Variants in UPK1A observed in about 807,000 individuals in gnomAD.
UPK1A encodes uroplakin-1a.
A neutral mutation model predicts 32.3 loss-of-function variants in UPK1A; 31 were observed. The ratio of observed to expected loss-of-function variants is 0.96; its 90% CI spans 0.72 to 1.30. The LOEUF is 1.30. Ranked by LOEUF, UPK1A falls within the 50% of genes most tolerant of loss-of-function variation. The probability of loss-of-function intolerance (pLI) is 0.00; values close to 1 mark genes in which losing one functional copy is unlikely to be tolerated. For missense variants in UPK1A, 340 were observed against 357.4 expected (o/e 0.95, Z 0.39); for synonymous variants, 135 against 137.1 (o/e 0.98, Z 0.11).
At chr19:35,668,675 G>T (rs767020560) in intron 3 of UPK1A, 21 bp downstream of exon 3, 101 of 1,599,780 alleles carry the variant, frequency 6.3e-5, no homozygotes, top group Non-Finnish European at 7.6e-5. Context: ...AGGGGTTGGG[G>T]GATGGGGACA....
chr19:35,671,519 G>A (rs1968100684), intron 3 of UPK1A, among the ~76,000 whole-genome samples: 1 of 130,678 alleles, frequency 7.7e-6, no homozygotes, highest in Non-Finnish European at 1.6e-5. Context: ...GTGCAGTGGT[G>A]CGATCTCGGC....
chr19:35,672,969 C>G (rs1464717828), intron 3 of UPK1A, among the ~76,000 whole-genome samples: 1 of 152,158 alleles, frequency 6.6e-6, no homozygotes, highest in Non-Finnish European at 1.5e-5. Context: ...GCCCCCTCGG[C>G]CTCCCAAAGT....
chr19:35,666,738 G>A (rs1968002638), intron 1 of UPK1A, 71 bp from the exon 2 acceptor site: 2 of 1,485,620 alleles, frequency 1.3e-6, no homozygotes, highest in African/African-American at 1.4e-5. Context: ...CGAAGCCAGG[G>A]TGTGGCTCAG....
chr19:35,675,787 G>T, intron 5 of UPK1A, 53 bp from the exon 6 acceptor site: 1 of 1,544,760 alleles, frequency 6.5e-7, no homozygotes, highest in South Asian at 1.2e-5. Flanking sequence ...CCTCAGGCAA[G>T]CAACTGTCCT....
rs761260478 is a variant in UPK1A at position 35,677,821 on chromosome 19, G to A, written c.658G>A (p.Glu220Lys). The A allele has an allele frequency of 9.3e-6, 15 of 1,611,742 alleles. No individual in the cohort carries two copies. In the East Asian group the frequency reaches 1.8e-4, roughly 19 times the overall value. Residue 220 changes from glutamate (E) to lysine (K), a missense_variant, in exon 7 of 8, where the codon GAA (glutamate) becomes AAA (lysine). Coordinates refer to ENST00000617999, the Ensembl canonical transcript of UPK1A. ...CCATCCCCCTGCCCAGGGCTGCTTC[G>A]AACACATCGGCCACGCCATCGACAG...
chr19:35,677,967 C>A lies in UPK1A; in HGVS notation c.733-8C>A. 6.3e-7 allele frequency: 1 copy of A among 1,598,028 alleles called. No homozygotes were observed. ...CGGAGTGCCCTCATCTCGCTGCCTC[C>A]TCGCCAGCTCCCGGTCATGCTGATA... is the stretch of plus-strand genomic sequence containing the variant. On this transcript the variant is annotated splice_polypyrimidine_tract_variant and splice_region_variant and intron_variant, in intron 7 of 7. Transcript: ENST00000617999.
At position 35,673,427 on chromosome 19, in the gene UPK1A, G is replaced by A. The variant is rs751894167; in HGVS notation, c.361-11G>A. 2.5e-6 allele frequency: 4 copies of A among 1,613,576 alleles called. No individual in the cohort carries two copies. The South Asian group carries it at 4.4e-5, about 18-fold the overall frequency. On this transcript the variant is annotated splice_polypyrimidine_tract_variant and intron_variant, in intron 4 of 7. Transcript: ENST00000617999. ...GCCCTGCCGGCCCTTGTTCTTCCCT[G>A]TTCTCCTCAGATGGTGTCCAACCCA...
chr19:35,673,584 T>TCC, intron 5 of UPK1A, 39 bp downstream of exon 5: 1 of 1,590,156 alleles, frequency 6.3e-7, no homozygotes, highest in Non-Finnish European at 8.6e-7. Context: ...GGCCCTGGGC[T>TCC]CCGTCCACAG....
chr19:35,673,447 A>C, exon 5 of UPK1A: 1 of 1,613,744 alleles, frequency 6.2e-7, no homozygotes, highest in South Asian at 1.1e-5. Context: ...GATGGTGTCC[A>C]ACCCATCCCT....
At chr19:35,670,863 C>A (rs1419557214) in intron 3 of UPK1A, among the ~76,000 whole-genome samples, 1 of 150,832 alleles carries the variant, frequency 6.6e-6, no homozygotes, top group East Asian at 2.0e-4. Context: ...TACAAGTGTG[C>A]ATCACCATGT....
intron 3 of UPK1A, among the ~76,000 whole-genome samples, chr19:35,669,976 A>T (rs1041348247): frequency 3.3e-5 from 5 of 152,202 alleles, no homozygotes. Flanking sequence ...GCTGAGCGAA[A>T]CATAAAAGCC....
chr19:35,666,630 C>T lies in UPK1A; in HGVS notation c.-5+92C>T. 8.3e-6 allele frequency: 5 copies of T among 604,674 alleles called. 1 individual carries two copies. The highest frequency in any genetic ancestry group is 5.9e-5 in the South Asian group (3 of 50,862). 37.5% of individuals were successfully genotyped at this position (604,674 alleles called of 1,614,324 possible). On this transcript the variant is annotated intron_variant, in intron 1 of 7. Coordinates refer to ENST00000617999, the Ensembl canonical transcript of UPK1A. ...CAAGTTCAGGCCAGTGACTGCCCCA[C>T]CGGAGCCCGGGTGTCCTCTTGTGCA...
chr19:35,669,095 G>A (rs1419063159), intron 3 of UPK1A, among the ~76,000 whole-genome samples: 4 of 151,936 alleles, frequency 2.6e-5, no homozygotes, highest in Admixed American at 6.6e-5. Flanking sequence ...TACAAGCCAC[G>A]AGCTGTTCTA....
intron 5 of UPK1A, among the ~76,000 whole-genome samples, chr19:35,675,268 G>A (rs1968163747): frequency 6.6e-6 from 1 of 151,990 alleles, no homozygotes; most frequent in Admixed American, 6.6e-5. Context: ...CATAGTTGTT[G>A]ATAAAAATAT....
chr19:35,675,906 A>C (rs1365625603), exon 6 of UPK1A: 1 of 1,613,666 alleles, frequency 6.2e-7, no homozygotes, highest in Non-Finnish European at 8.5e-7. Context: ...CCGGGCGGCC[A>C]CTCCGGAGGT....
chr19:35,673,206 G>A lies in UPK1A; in HGVS notation c.286-26G>A, dbSNP rs75289222. ...TGTGGCTTCACGGGCTCTGCCCGAC[G>A]GGCCGTCCTCCCTCTGTCTCCCCAG... On this transcript the variant is annotated intron_variant, in intron 3 of 7. Coordinates refer to ENST00000617999, the Ensembl canonical transcript of UPK1A. The A allele has an allele frequency of 3.1e-6, 5 of 1,612,302 alleles. No homozygotes were observed. In the East Asian group the frequency reaches 6.7e-5, roughly 22 times the overall value.
chr19:35,667,306 TTTTTGTTTTG>T (rs142423365), intron 2 of UPK1A, among the ~76,000 whole-genome samples: 23,565 of 150,058 alleles, frequency 0.16, 2,012 homozygotes, highest in Middle Eastern at 0.31. Context: ...GGTTTTGTGT[TTTTTGTTTTG>T]TTTTGTTTTG....
In UPK1A at chr19:35,678,074, T is replaced by A; in HGVS notation, c.*55T>A. The A allele has an allele frequency of 2.0e-6, 3 of 1,510,852 alleles. No homozygotes were observed. The South Asian group carries it at 4.0e-5, about 20-fold the overall frequency. The allele number at this position is 1,510,852 out of a possible 1,614,324, so 93.6% of individuals were successfully genotyped here. A position where few individuals can be genotyped will look rare whatever the true frequency, so the allele number is the denominator to read the frequency against. ...CCCGGACTCCTCCGCATCCTCCTCC[T>A]GCTTCCTCCGCTGGGCCTGGATGGC... On this transcript the variant is annotated 3_prime_UTR_variant, in exon 8 of 8. Transcript: ENST00000617999.
chr19:35,667,004 C>G, intron 2 of UPK1A, 108 bp downstream of exon 2: 1 of 1,098,638 alleles, frequency 9.1e-7, no homozygotes, highest in South Asian at 1.4e-5. Context: ...CGGGCAGACT[C>G]AGTGGTCAGC....
Sources: gnomAD v4.1 joint callset for allele counts (sites outside exome capture counted in the v4.1 genomes callset) on GRCh38, gnomAD v4.1.1 for gene constraint, MANE v1.5 for transcripts, NCBI Gene and HGNC (gene_info 2026-07-23, HGNC 2026-07-21) for gene names.